The following EML1 variants were observed in gnomAD, a reference collection of about 807,000 sequenced individuals.
EML1 encodes echinoderm microtubule-associated protein-like 1.
EML1 carries 27 observed loss-of-function variants against 110.4 expected under a neutral mutation model. That is an observed-to-expected ratio of 0.24 (90% confidence interval 0.18 to 0.34). The LOEUF is 0.34. Ranked by LOEUF, EML1 falls within the 10% of genes least tolerant of loss-of-function variation. The probability of loss-of-function intolerance (pLI) is 1.00; values close to 1 mark genes in which losing one functional copy is unlikely to be tolerated. For synonymous variants in EML1, 344 were observed against 385.8 expected, an observed-to-expected ratio of 0.89 and a Z score of 1.27; for missense variants, 741 against 1,030.9, an observed-to-expected ratio of 0.72 and a Z score of 3.85.
chr14:99,909,774 G>A (rs1189154462), intron 11 of EML1, among the ~76,000 whole-genome samples: 1 of 152,192 alleles, frequency 6.6e-6, no homozygotes, highest in Non-Finnish European at 1.5e-5. Flanking sequence ...ACCTGCCTTT[G>A]CAAAAGACAT....
At chr14:99,760,826 T>A (rs549156178) in intron 1 of EML1, among the ~76,000 whole-genome samples, 2 of 152,194 alleles carry the variant, frequency 1.3e-5, no homozygotes, top group South Asian at 4.2e-4. Context: ...GCCCAATACC[T>A]GCATTCAACC....
At chr14:99,820,727 G>T (rs1340275081) in intron 1 of EML1, among the ~76,000 whole-genome samples, 1 of 152,070 alleles carries the variant, frequency 6.6e-6, no homozygotes, top group African/African-American at 2.4e-5. Context: ...TTTTGCTTTA[G>T]TTCACCTCCA....
At position 99,874,784 on chromosome 14, in the gene EML1, T is replaced by C. The variant is rs1224633836; in HGVS notation, c.384-3701T>C. 7.6e-6 allele frequency: 4 copies of C among 524,618 alleles called. No individual in the cohort carries two copies. The East Asian group carries it at 1.4e-4, about 18-fold the overall frequency. 32.5% of individuals were successfully genotyped at this position (524,618 alleles called of 1,614,324 possible). On this transcript the variant is annotated intron_variant, in intron 3 of 21. Coordinates refer to ENST00000262233, the MANE Select transcript of EML1 (RefSeq NM_004434.3). Reference sequence around the variant, plus strand: ...CTTGGAAGAGTTGTGAAGGATTATATCCACGTCTATATTTGCGAACCAAAA... The same window carrying C: ...CTTGGAAGAGTTGTGAAGGATTATACCCACGTCTATATTTGCGAACCAAAA...
intron 1 of EML1, among the ~76,000 whole-genome samples, chr14:99,849,673 A>G (rs2058760574): frequency 1.3e-5 from 2 of 151,124 alleles, no homozygotes; most frequent in South Asian, 2.1e-4. Flanking sequence ...TGAGCCTCCC[A>G]AGTAGCTGGG....
At chr14:99,830,422 C>T (rs1262456307) in intron 1 of EML1, among the ~76,000 whole-genome samples, 1 of 152,172 alleles carries the variant, frequency 6.6e-6, no homozygotes, top group Non-Finnish European at 1.5e-5. Flanking sequence ...CTTCCTAATA[C>T]CTGGCTTTCC....
chr14:99,880,892 A>G (rs1361929021), intron 4 of EML1, among the ~76,000 whole-genome samples: 3 of 152,222 alleles, frequency 2.0e-5, no homozygotes, highest in Admixed American at 2.0e-4. Flanking sequence ...CATCCCTGTG[A>G]TAGTTCTTAT....
At chr14:99,787,229 G>A (rs2057610298) in intron 1 of EML1, among the ~76,000 whole-genome samples, 1 of 149,226 alleles carries the variant, frequency 6.7e-6, no homozygotes, top group African/African-American at 2.5e-5. Context: ...AGTGAATGGT[G>A]CTGCATCTGT....
chr14:99,737,813 G>A (rs770186836), exon 1 of EML1: 80 of 1,289,122 alleles, frequency 6.2e-5, no homozygotes, highest in East Asian at 3.3e-4. Context: ...GTGGCCAGCC[G>A]GCCGCCCATC....
chr14:99,791,775 C>T (rs1260458322), upstream of EML1, among the ~76,000 whole-genome samples: 1 of 152,210 alleles, frequency 6.6e-6, no homozygotes, highest in Non-Finnish European at 1.5e-5. Flanking sequence ...CTGCGTGAAC[C>T]CTCCAAGCGT....
At chr14:99,833,831 G>A (rs1030506260) in intron 1 of EML1, among the ~76,000 whole-genome samples, 1 of 152,080 alleles carries the variant, frequency 6.6e-6, no homozygotes, top group African/African-American at 2.4e-5. Flanking sequence ...TTTATGTCTT[G>A]ATCTTCTATC....
At position 99,848,463 on chromosome 14, in the gene EML1, ATGT is replaced by A. The variant is rs1017728189; in HGVS notation, c.68-2386_68-2384del. On this transcript the variant is annotated intron_variant, in intron 1 of 21. Transcript: ENST00000262233. ...AATGTATATATATATATTTTAAAAC[ATGT>A]TGTATACAATATATACAATTTTTGC... Among the ~76,000 whole-genome samples the A allele has an allele frequency of 1.8e-4, 27 of 152,282 alleles. 1 individual carries two copies. The highest frequency in any genetic ancestry group is 6.5e-4 in the Admixed American group (10 of 15,298).
intron 1 of EML1, among the ~76,000 whole-genome samples, chr14:99,755,941 G>A (rs369249604): frequency 2.6e-5 from 4 of 152,314 alleles, no homozygotes; most frequent in South Asian, 2.1e-4. Context: ...CCGAGGCTTA[G>A]ATAAGCTCAA....
In EML1 at chr14:99,739,370, G is replaced by A. The variant is rs368541889; in HGVS notation, c.28+1510G>A. On this transcript the variant is annotated intron_variant, in intron 1 of 10. Transcript: ENST00000554479. ...GGCCCTGGTTTTAGCAGTTTGTAAA[G>A]CCACCCGCATGGAGATGGGTATTTC... 5.9e-5 allele frequency among the ~76,000 whole-genome samples: 9 copies of A among 152,290 alleles called. 1 individual carries two copies. Among genetic ancestry groups the A allele is most frequent in the African/African-American group, 2.2e-4 (9 of 41,568 alleles).
intron 1 of EML1, among the ~76,000 whole-genome samples, chr14:99,816,837 G>T (rs2139731752): frequency 6.6e-6 from 1 of 152,342 alleles, no homozygotes; most frequent in African/African-American, 2.4e-5. Context: ...TGGCACGTAG[G>T]TTAGCAGTTC....
In EML1 at chr14:99,784,957, G is replaced by A. The variant is rs2057582479; in HGVS notation, c.-27+10944G>A. Among the ~76,000 whole-genome samples the A allele has an allele frequency of 6.6e-6, 1 of 152,264 alleles. No homozygotes were observed. The highest frequency in any genetic ancestry group is 6.5e-5 in the Admixed American group (1 of 15,286). On this transcript the variant is annotated intron_variant, in intron 1 of 22. Transcript: ENST00000327921. The surrounding 1 kb of genome is among the most constrained non-coding windows in gnomAD (Gnocchi z 4.5). The stretch of plus-strand genomic sequence containing the variant: ...AATGGAAAAGCAGAGGGATTGACAG[G>A]GGCCAAAGAACTGGAAGAACTAGAG...
chr14:99,863,658 G>A (rs2059041673), intron 2 of EML1, among the ~76,000 whole-genome samples: 2 of 152,162 alleles, frequency 1.3e-5, no homozygotes, highest in South Asian at 4.1e-4. Flanking sequence ...TTTCAGATGT[G>A]GTTTGCTTCA....
At chr14:99,836,137 A>G (rs1322501084) in intron 1 of EML1, among the ~76,000 whole-genome samples, 1 of 152,216 alleles carries the variant, frequency 6.6e-6, no homozygotes, top group Non-Finnish European at 1.5e-5. Flanking sequence ...TGGCATCATA[A>G]CAGTAATGAG....
chr14:99,824,106 G>A (rs1201865403), intron 1 of EML1, among the ~76,000 whole-genome samples: 1 of 152,134 alleles, frequency 6.6e-6, no homozygotes, highest in East Asian at 1.9e-4. Flanking sequence ...ACAGGCACCC[G>A]CCACCATGCC....
At chr14:99,929,349 A>G (rs1401431505) in intron 17 of EML1, among the ~76,000 whole-genome samples, 1 of 152,222 alleles carries the variant, frequency 6.6e-6, no homozygotes, top group African/African-American at 2.4e-5. Context: ...TCTGCAGAGC[A>G]TTGTGCAGAT....
Sources: allele counts gnomAD v4.1 joint callset (sites outside exome capture counted in the v4.1 genomes callset), GRCh38; gene constraint gnomAD v4.1.1; non-coding constraint Gnocchi (gnomAD v3.1); transcripts MANE v1.5; gene names NCBI Gene and HGNC (gene_info 2026-07-23, HGNC 2026-07-21).